FOXM1: variants seen among roughly 807,000 people sequenced by gnomAD.
FOXM1 encodes the protein forkhead box protein M1.
FOXM1 carries 25 observed loss-of-function variants against 63.6 expected under a neutral mutation model. The observed-to-expected ratio is 0.39, with a 90% CI of 0.29 to 0.55. FOXM1 has a LOEUF of 0.55. Ranked by LOEUF, FOXM1 falls within the 20% of genes least tolerant of loss-of-function variation. The pLI, the probability that FOXM1 is intolerant of heterozygous loss-of-function variation, is 0.60. For synonymous variants in FOXM1, 387 were observed against 376.9 expected (o/e 1.03, Z -0.31); for missense variants, 879 against 958.7 (o/e 0.92, Z 1.10).
At chr12:2,861,417 G>C in intron 8 of FOXM1, 1 of 560,874 alleles carries the variant, frequency 1.8e-6, no homozygotes, top group Admixed American at 3.6e-5. Flanking sequence ...AAAAACCTAT[G>C]GAAATAAAAA....
At position 2,868,856 on chromosome 12, in the gene FOXM1, G is replaced by A. The variant is rs368399218; in HGVS notation, c.655-102C>T. The A allele has an allele frequency of 1.7e-4, 154 of 884,780 alleles. 4 individuals are homozygous for A. In the South Asian group the frequency reaches 2.4e-3, roughly 14 times the overall value. 54.8% of individuals were successfully genotyped at this position (884,780 alleles called of 1,614,324 possible). A position where few individuals can be genotyped will look rare whatever the true frequency, so the allele number is the denominator to read the frequency against. ...TAGAGAAACCTTTATCCCATAGGACGGTCTAGAAACAAACTCATCTGAGAC... is the reference window on the plus strand; with the variant it reads ...TAGAGAAACCTTTATCCCATAGGACAGTCTAGAAACAAACTCATCTGAGAC... On this transcript the variant is annotated intron_variant, in intron 3 of 8. Coordinates refer to ENST00000359843, the MANE Select transcript of FOXM1 (RefSeq NM_021953.4).
chr12:2,871,026 C>G (rs559052490), intron 3 of FOXM1, among the ~76,000 whole-genome samples: 7 of 138,930 alleles, frequency 5.0e-5, no homozygotes, highest in Non-Finnish European at 9.2e-5. Flanking sequence ...AAGAAGGGAA[C>G]ACTAGACACC....
Position 2,874,252 on chromosome 12 carries a change from A to G in FOXM1, c.227T>C (p.Val76Ala). Residue 76 changes from valine to alanine, a missense_variant, in exon 2 of 9, where the codon GTG becomes GCG. Physicochemically the swap from Val to Ala is moderately conservative, Grantham distance 64 (BLOSUM62 0). Transcript: ENST00000359843. This position sits in a 1 kb window ranked among gnomAD's most constrained non-coding sequence, Gnocchi z 4.3. ...NHPTMPNTQV[V>A]AIPNNANIHS... Reference sequence around the variant, plus strand: ...AATATTAGCATTGTTGGGGATGGCCACTACTTGCGTGTTGGGCATGGTGGG... The same window carrying G: ...AATATTAGCATTGTTGGGGATGGCCGCTACTTGCGTGTTGGGCATGGTGGG... 1 of 1,614,184 alleles carries G rather than the reference A, an allele frequency of 6.2e-7. No individual in the cohort carries two copies. The highest frequency in any genetic ancestry group is 2.2e-5 in the East Asian group (1 of 44,884).
Position 2,858,713 on chromosome 12 carries a change from G to A in FOXM1, c.2217C>T (p.Ser739=). The A allele has an allele frequency of 6.2e-7, 1 of 1,614,196 alleles. No individual in the cohort carries two copies. The highest frequency in any genetic ancestry group is 8.5e-7 in the Non-Finnish European group (1 of 1,180,030). ...DSLSKILLDI[S]FPGLDEDPLG... ...GTGGGTCCTCGTCCAGGCCAGGAAA[G>A]CTGATGTCCAGCAGGATCTTGCTGA... Residue 739 remains serine (S), a synonymous_variant, in exon 9 of 9, where the codon AGC becomes AGT. Transcript: ENST00000359843.
At chr12:2,862,248 T>A (rs114678746) in intron 8 of FOXM1, among the ~76,000 whole-genome samples, 3 of 151,270 alleles carry the variant, frequency 2.0e-5, no homozygotes, top group African/African-American at 7.3e-5. Context: ...CAATGTTCTG[T>A]GTGTTGTATG....
Position 2,872,061 on chromosome 12 carries a change from A to T in FOXM1, c.654+35T>A, listed in dbSNP as rs529301827. On this transcript the variant is annotated intron_variant, in intron 3 of 8. Transcript: ENST00000359843. This position sits in a 1 kb window ranked among gnomAD's most constrained non-coding sequence, Gnocchi z 4.0. Reference sequence around the variant, plus strand: ...CCTACCTAGGAATTCCCTACACTGGATCTGATTTCTTTAGTGAGGGACGGA... The same window carrying T: ...CCTACCTAGGAATTCCCTACACTGGTTCTGATTTCTTTAGTGAGGGACGGA... 5.6e-6 allele frequency: 9 copies of T among 1,612,120 alleles called. No homozygotes were observed. The East Asian group carries it at 2.0e-4, about 36-fold the overall frequency.
rs1257180175 is a variant in FOXM1 at position 2,858,604 on chromosome 12, T to A, written c.*34A>T. ...CTGAGCCTTGGAGTGCCCGGGATGG[T>A]GGACAGCTTGAGCACAGGGGCAAGG... On this transcript the variant is annotated 3_prime_UTR_variant, in exon 9 of 9. Coordinates refer to ENST00000359843, the MANE Select transcript of FOXM1 (RefSeq NM_021953.4). 2.0e-5 allele frequency: 32 copies of A among 1,588,170 alleles called. No homozygotes were observed. The highest frequency in any genetic ancestry group is 2.6e-5 in the Non-Finnish European group (30 of 1,164,536).
At chr12:2,871,452 C>A (rs2098133110) in intron 3 of FOXM1, among the ~76,000 whole-genome samples, 1 of 152,042 alleles carries the variant, frequency 6.6e-6, no homozygotes, top group Non-Finnish European at 1.5e-5. Flanking sequence ...TTGAAATCAG[C>A]CTGGGCAACA....
chr12:2,871,521 C>T (rs1220394006), intron 3 of FOXM1, among the ~76,000 whole-genome samples: 4 of 152,032 alleles, frequency 2.6e-5, no homozygotes, highest in African/African-American at 7.2e-5. Flanking sequence ...TGGCATGCAC[C>T]AAGCTGGCAA....
At chr12:2,871,606 T>C in intron 3 of FOXM1, among the ~76,000 whole-genome samples, 1 of 151,748 alleles carries the variant, frequency 6.6e-6, no homozygotes, top group East Asian at 1.9e-4. Flanking sequence ...GAGCCATGAC[T>C]GCACCATTGC....
intron 3 of FOXM1, among the ~76,000 whole-genome samples, chr12:2,869,913 A>G (rs532432110): frequency 1.8e-4 from 27 of 151,146 alleles, no homozygotes; most frequent in Admixed American, 1.3e-3. Context: ...AATTGGAGAT[A>G]TTACTTTCTA....
chr12:2,858,809 T>C lies in FOXM1; in HGVS notation c.2121A>G (p.Pro707=), dbSNP rs2098098954. 3 of 1,614,032 alleles carry C rather than the reference T, an allele frequency of 1.9e-6. No individual in the cohort carries two copies. In the South Asian group the frequency reaches 3.3e-5, roughly 18 times the overall value. ...IDVPKPGSPE[P]QVSGLAANRS... is the part of the protein sequence containing the mutation. Reference sequence around the variant, plus strand: ...GATTGGCTGCAAGGCCAGAAACCTGTGGCTCCGGGGAGCCTGGCTTGGGGA... The same window carrying C: ...GATTGGCTGCAAGGCCAGAAACCTGCGGCTCCGGGGAGCCTGGCTTGGGGA... Residue 707 remains proline (P), a synonymous_variant, in exon 9 of 9, where the codon CCA becomes CCG. Coordinates refer to ENST00000359843, the MANE Select transcript of FOXM1 (RefSeq NM_021953.4).
At chr12:2,867,032 A>C (rs1603500860) in intron 4 of FOXM1, among the ~76,000 whole-genome samples, 1 of 152,166 alleles carries the variant, frequency 6.6e-6, no homozygotes, top group Non-Finnish European at 1.5e-5. Context: ...GCATGCCTTT[A>C]GTCCCAGCTA....
rs1443179454 is a variant in FOXM1, at chr12:2,864,871, G to A, written c.1021-119C>T. 5.4e-6 allele frequency: 6 copies of A among 1,105,974 alleles called. No homozygotes were observed. The highest frequency in any genetic ancestry group is 3.1e-5 in the African/African-American group (2 of 65,086). The allele number at this position is 1,105,974 out of a possible 1,614,324, so 68.5% of individuals were successfully genotyped here. A position where few individuals can be genotyped will look rare whatever the true frequency, so the allele number is the denominator to read the frequency against. On this transcript the variant is annotated intron_variant, in intron 6 of 8. Coordinates refer to ENST00000359843, the MANE Select transcript of FOXM1 (RefSeq NM_021953.4). This position sits in a 1 kb window ranked among gnomAD's most constrained non-coding sequence, Gnocchi z 5.1. ...GTGCTTGAGTTAATGACAGCCCAGA[G>A]AGAGGAGGCCAACCTGAGGGGATGG... is the stretch of plus-strand genomic sequence containing the variant.
At chr12:2,861,140 C>T (rs560219549) in intron 8 of FOXM1, among the ~76,000 whole-genome samples, 50 of 150,094 alleles carry the variant, frequency 3.3e-4, no homozygotes, top group South Asian at 6.3e-4. Context: ...TGCACTCCAG[C>T]CTGGGTGACA....
intron 8 of FOXM1, among the ~76,000 whole-genome samples, chr12:2,860,930 A>G (rs1166783556): frequency 6.6e-6 from 1 of 151,320 alleles, no homozygotes; most frequent in East Asian, 1.9e-4. Flanking sequence ...GCACTTTGGG[A>G]GGCCGAGGTG....
In FOXM1 at chr12:2,858,396, C is replaced by T; in HGVS notation, c.*242G>A. On this transcript the variant is annotated 3_prime_UTR_variant, in exon 9 of 9. Transcript: ENST00000359843. ...GGTTCCTAATCTCTTTTCACCATTG[C>T]CTTTGTTGTTCCCACCCTTCAGCTC... 2.0e-6 allele frequency: 1 copy of T among 493,896 alleles called. No individual in the cohort carries two copies. The highest frequency in any genetic ancestry group is 3.6e-6 in the Non-Finnish European group (1 of 277,518). 30.6% of individuals were successfully genotyped at this position (493,896 alleles called of 1,614,324 possible).
chr12:2,862,361 G>A (rs141058491), intron 8 of FOXM1, among the ~76,000 whole-genome samples: 18 of 152,120 alleles, frequency 1.2e-4, no homozygotes, highest in African/African-American at 4.3e-4. Context: ...TATCTTGGGA[G>A]TAGGGGTGAT....
Position 2,872,954 on chromosome 12 carries a change from TGA to T in FOXM1, c.503-709_503-708del, listed in dbSNP as rs1236823796. On this transcript the variant is annotated intron_variant, in intron 2 of 8. Coordinates refer to ENST00000359843, the MANE Select transcript of FOXM1 (RefSeq NM_021953.4). The surrounding 1 kb of genome is among the most constrained non-coding windows in gnomAD (Gnocchi z 4.0). Reference sequence around the variant, plus strand: ...CTATAGTCCCAGCTACTTGGGAGGCTGATGTGGGAGAATGGCTTGAGTCCAGG... The same window carrying T: ...CTATAGTCCCAGCTACTTGGGAGGCTTGTGGGAGAATGGCTTGAGTCCAGG... Among the ~76,000 whole-genome samples the T allele has an allele frequency of 6.6e-6, 1 of 151,930 alleles. No individual in the cohort carries two copies. The highest frequency in any genetic ancestry group is 1.9e-4 in the East Asian group (1 of 5,168).
Sources: allele counts gnomAD v4.1 joint callset (sites outside exome capture counted in the v4.1 genomes callset), GRCh38; gene constraint gnomAD v4.1.1; non-coding constraint Gnocchi (gnomAD v3.1); transcripts MANE v1.5; gene names NCBI Gene and HGNC (gene_info 2026-07-23, HGNC 2026-07-21).